DCLK2: variants seen among roughly 807,000 people sequenced by gnomAD.
DCLK2 encodes serine/threonine-protein kinase DCLK2.
Under a neutral mutation model 78.4 loss-of-function variants are expected in DCLK2, and 31 were observed. That is an observed-to-expected ratio of 0.40 (90% confidence interval 0.30 to 0.53). DCLK2 has a LOEUF of 0.53. DCLK2 is among the 20% of genes least tolerant of loss of function. The probability of loss-of-function intolerance (pLI) is 0.61; values close to 1 mark genes in which losing one functional copy is unlikely to be tolerated. For missense variants in DCLK2, 872 were observed against 973.7 expected, an observed-to-expected ratio of 0.90 and a Z score of 1.39; for synonymous variants, 407 against 374.9, an observed-to-expected ratio of 1.09 and a Z score of -0.99.
chr4:150,217,316 A>G (rs1357832886), intron 5 of DCLK2, among the ~76,000 whole-genome samples: 1 of 152,214 alleles, frequency 6.6e-6, no homozygotes, highest in East Asian at 1.9e-4. Flanking sequence ...ATATTTAACA[A>G]TAGATGCTTC....
At chr4:150,246,046 TC>T (rs938478197) in intron 12 of DCLK2, among the ~76,000 whole-genome samples, 1 of 105,908 alleles carries the variant, frequency 9.4e-6, no homozygotes, top group Non-Finnish European at 2.0e-5. Flanking sequence ...CAAACTCTAC[TC>T]TTTTTTTTTT....
chr4:150,217,333 G>A (rs1277361983), intron 5 of DCLK2, among the ~76,000 whole-genome samples: 1 of 152,204 alleles, frequency 6.6e-6, no homozygotes, highest in Non-Finnish European at 1.5e-5. Flanking sequence ...CTTCACAGTT[G>A]CCAGTGATCT....
At chr4:150,178,152 C>A (rs1485037501) in intron 2 of DCLK2, among the ~76,000 whole-genome samples, 1 of 152,180 alleles carries the variant, frequency 6.6e-6, no homozygotes, top group Non-Finnish European at 1.5e-5. Flanking sequence ...AGGTTCACAG[C>A]CAACAGTCAT....
intron 2 of DCLK2, among the ~76,000 whole-genome samples, chr4:150,135,705 A>C (rs1733641384): frequency 6.6e-6 from 1 of 152,254 alleles, no homozygotes; most frequent in Non-Finnish European, 1.5e-5. Flanking sequence ...TACAAATGTT[A>C]ATAAGACAAA....
intron 2 of DCLK2, among the ~76,000 whole-genome samples, chr4:150,149,366 G>A (rs1734727744): frequency 6.6e-6 from 1 of 152,096 alleles, no homozygotes; most frequent in African/African-American, 2.4e-5. Flanking sequence ...AACAGGTTTG[G>A]GAGGAAACAG....
intron 15 of DCLK2, among the ~76,000 whole-genome samples, chr4:150,251,343 C>T (rs868559045): frequency 1.7e-4 from 2 of 11,476 alleles, no homozygotes; most frequent in Non-Finnish European, 3.0e-4. Context: ...CACTCCCATC[C>T]CCCACACCAC....
intron 2 of DCLK2, among the ~76,000 whole-genome samples, chr4:150,192,495 A>AAAC: frequency 6.6e-6 from 1 of 151,230 alleles, no homozygotes; most frequent in East Asian, 1.9e-4. Context: ...AAAAAAAAAA[A>AAAC]CAAGTGAAAT....
intron 2 of DCLK2, among the ~76,000 whole-genome samples, chr4:150,148,375 T>A (rs971405842): frequency 6.3e-5 from 9 of 142,204 alleles, no homozygotes; most frequent in Non-Finnish European, 3.1e-5. Flanking sequence ...AAAAGAAAAT[T>A]CATGTCTTTT....
intron 12 of DCLK2, among the ~76,000 whole-genome samples, chr4:150,242,619 A>G (rs1364905280): frequency 1.3e-5 from 2 of 152,078 alleles, no homozygotes; most frequent in Admixed American, 6.6e-5. Flanking sequence ...GACAAGAGAG[A>G]TGACTTGGCC....
chr4:150,242,337 T>C (rs1386232058), intron 12 of DCLK2, among the ~76,000 whole-genome samples: 1 of 152,200 alleles, frequency 6.6e-6, no homozygotes, highest in Non-Finnish European at 1.5e-5. Flanking sequence ...GTGGTATTAG[T>C]GGAGTTTTTG....
At chr4:150,210,384 G>A (rs1740201373) in intron 5 of DCLK2, among the ~76,000 whole-genome samples, 1 of 152,176 alleles carries the variant, frequency 6.6e-6, no homozygotes, top group Non-Finnish European at 1.5e-5. Flanking sequence ...AGAGAAGTCA[G>A]ACTCCAGATT....
intron 4 of DCLK2, among the ~76,000 whole-genome samples, chr4:150,201,360 A>G (rs902827391): frequency 6.6e-6 from 1 of 152,106 alleles, no homozygotes; most frequent in East Asian, 1.9e-4. Flanking sequence ...AGGTCATGAC[A>G]TGGTGCTGTC....
chr4:150,227,225 A>G (rs1741689399), intron 8 of DCLK2, among the ~76,000 whole-genome samples: 1 of 152,236 alleles, frequency 6.6e-6, no homozygotes, highest in South Asian at 2.1e-4. Context: ...TCTTCAGGTA[A>G]TACAAACTTG....
intron 2 of DCLK2, among the ~76,000 whole-genome samples, chr4:150,138,641 C>G (rs2150209374): frequency 6.6e-6 from 1 of 152,040 alleles, no homozygotes; most frequent in South Asian, 2.1e-4. Context: ...ATTTAAGCCT[C>G]ATAACCACCT....
In DCLK2 at chr4:150,221,698, C is replaced by T; in HGVS notation, c.1154C>T (p.Ser385Phe). 6.3e-7 allele frequency: 1 copy of T among 1,598,774 alleles called. No homozygotes were observed. The change falls in exon 7 of 16, where the codon TCT becomes TTT. Residue 385 changes from serine (S) to phenylalanine (F), a missense_variant. By Grantham distance (155) the Ser-to-Phe change is radical. Around this residue, in one of 3 missense-constraint regions of DCLK2, gnomAD observed 567 missense variants for 593.4 expected, o/e 0.96. Transcript: ENST00000296550. The part of the protein sequence containing the change: ...SPEGVNGNRC[S>F]ESSTLLEKYK... ...GCAGGTGTGAATGGAAACAGATGCT[C>T]TGAATCATCAACTCTTCTTGAGAAA...
intron 8 of DCLK2, among the ~76,000 whole-genome samples, chr4:150,227,175 T>G (rs1741685075): frequency 6.6e-6 from 1 of 152,236 alleles, no homozygotes; most frequent in Non-Finnish European, 1.5e-5. Flanking sequence ...GTACATTGGC[T>G]GATCTACTGT....
chr4:150,144,451 G>A (rs1344149922), intron 2 of DCLK2, among the ~76,000 whole-genome samples: 1 of 152,094 alleles, frequency 6.6e-6, no homozygotes, highest in Non-Finnish European at 1.5e-5. Flanking sequence ...GCATATTTTT[G>A]TACCAGTACC....
At chr4:150,201,748 T>G (rs1739464717) in intron 4 of DCLK2, among the ~76,000 whole-genome samples, 1 of 152,058 alleles carries the variant, frequency 6.6e-6, no homozygotes, top group African/African-American at 2.4e-5. Flanking sequence ...CTAACAGTGC[T>G]TACTGATTAG....
intron 3 of DCLK2, among the ~76,000 whole-genome samples, chr4:150,194,022 GAC>G (rs58179559): frequency 0.06 from 8,029 of 133,508 alleles, 242 homozygotes; most frequent in East Asian, 0.083. Context: ...AAAGTGCTGG[GAC>G]ACACACACAC....
Sources: allele counts gnomAD v4.1 joint callset (sites outside exome capture counted in the v4.1 genomes callset), GRCh38; gene constraint gnomAD v4.1.1; regional missense constraint gnomAD v4.1.1; transcripts MANE v1.5; gene names NCBI Gene and HGNC (gene_info 2026-07-23, HGNC 2026-07-21).